Variants in SYPL2 observed in about 807,000 individuals in gnomAD.
The protein encoded by SYPL2 is synaptophysin like 2, also known as synaptophysin-like protein 2.
Under a neutral mutation model 31.3 loss-of-function variants are expected in SYPL2, and 24 were observed. The observed-to-expected ratio is 0.77, with a 90% CI of 0.56 to 1.08. The LOEUF is 1.08. Ranked by LOEUF, SYPL2 falls within the 50% of genes least tolerant of loss-of-function variation. The pLI is 0.00. For synonymous variants in SYPL2, 144 were observed against 143.1 expected (o/e 1.01, Z -0.05); for missense variants, 342 against 360.1 (o/e 0.95, Z 0.41).
intron 2 of SYPL2, among the ~76,000 whole-genome samples, chr1:109,470,776 T>G (rs1001352951): frequency 1.3e-5 from 2 of 151,902 alleles, no homozygotes; most frequent in Admixed American, 6.6e-5. Context: ...ATGGAGGGGG[T>G]TGGGAGAAAG....
At chr1:109,476,726 G>T in intron 3 of SYPL2, 50 bp from the exon 4 acceptor site, 3 of 1,581,328 alleles carry the variant, frequency 1.9e-6, no homozygotes, top group Non-Finnish European at 2.6e-6. Context: ...TCTGGGCCAG[G>T]GAGAGAGAGG....
Position 109,481,182 on chromosome 1 carries a change from C to T in SYPL2, c.*1634C>T, listed in dbSNP as rs569031891. The T allele has an allele frequency of 2.6e-5, 4 of 152,766 alleles. No individual in the cohort carries two copies. Among genetic ancestry groups the T allele is most frequent in the South Asian group, 2.1e-4 (1 of 4,826 alleles). 9.5% of individuals were successfully genotyped at this position (152,766 alleles called of 1,614,324 possible). A position where few individuals can be genotyped will look rare whatever the true frequency, so the allele number is the denominator to read the frequency against. On this transcript the variant is annotated 3_prime_UTR_variant, in exon 6 of 6. Coordinates refer to ENST00000369872, the MANE Select transcript of SYPL2 (RefSeq NM_001040709.2). ...TGACTTCAGGCCAGTCATTTCCTCC[C>T]GATGGGGAAAGGGTGAGATTTACAT...
chr1:109,469,852 A>T (rs1571058896), intron 2 of SYPL2, among the ~76,000 whole-genome samples: 2 of 144,832 alleles, frequency 1.4e-5, no homozygotes. Context: ...AAAAAAAAAA[A>T]GGAAAATAAA....
chr1:109,481,383 C>G lies in SYPL2; in HGVS notation c.*1835C>G, dbSNP rs760130292. The G allele has an allele frequency of 3.3e-5, 5 of 152,574 alleles. No individual in the cohort carries two copies. The highest frequency in any genetic ancestry group is 4.8e-5 in the African/African-American group (2 of 41,414). 9.5% of individuals were successfully genotyped at this position (152,574 alleles called of 1,614,324 possible). A position where few individuals can be genotyped will look rare whatever the true frequency, so the allele number is the denominator to read the frequency against. The stretch of plus-strand genomic sequence containing the variant: ...TCAAGGACAAGGGGGGACAGTTTTG[C>G]CTACAGCTCCAGAGACACAGAGAAC... On this transcript the variant is annotated 3_prime_UTR_variant, in exon 6 of 6. Transcript: ENST00000369872.
At position 109,478,024 on chromosome 1, in the gene SYPL2, C is replaced by T. The variant is rs760655799; in HGVS notation, c.648+15C>T. The T allele has an allele frequency of 6.8e-6, 11 of 1,613,386 alleles. No individual in the cohort carries two copies. In the Admixed American group the frequency reaches 1.7e-4, roughly 24 times the overall value. ...ACATCTCCGTGGTGAGACCTGTGGC[C>T]ACTGCAGGAAGCAGCACCAGCCCTG... On this transcript the variant is annotated intron_variant, in intron 5 of 5. Coordinates refer to ENST00000369872, the MANE Select transcript of SYPL2 (RefSeq NM_001040709.2). The surrounding 1 kb of genome is among the most constrained non-coding windows in gnomAD (Gnocchi z 4.0).
chr1:109,476,963 C>A lies in SYPL2; in HGVS notation c.442C>A (p.Arg148Ser). 1.2e-6 allele frequency: 2 copies of A among 1,614,176 alleles called. No homozygotes were observed. Among genetic ancestry groups the A allele is most frequent in the Non-Finnish European group, 8.5e-7 (1 of 1,180,034 alleles). ...RFHNLYTENK[R>S]FPLVDFCVTV... is the part of the protein sequence containing the mutation. ...CCACAACCTCTACACAGAGAACAAA[C>A]GCTTCCCGCTGGTGGTGAGTCAGCA... is the stretch of plus-strand genomic sequence containing the variant. The change falls in exon 4 of 6, where the codon CGC (arginine) becomes AGC (serine). Residue 148 changes from arginine to serine, a missense_variant. By Grantham distance (110) the Arg-to-Ser change is moderately radical. Transcript: ENST00000369872.
In SYPL2 at chr1:109,467,052, T is replaced by C. The variant is rs1389600369; in HGVS notation, c.55-7T>C. The C allele has an allele frequency of 8.4e-6, 13 of 1,544,204 alleles. No homozygotes were observed. The highest frequency in any genetic ancestry group is 1.1e-5 in the Non-Finnish European group (13 of 1,145,866). On this transcript the variant is annotated splice_polypyrimidine_tract_variant and splice_region_variant and intron_variant, in intron 1 of 5. Coordinates refer to ENST00000369872, the MANE Select transcript of SYPL2 (RefSeq NM_001040709.2). ...CCCTGACCCCCCGGCCGGCTGTGTC[T>C]CCGCAGGTGGACCGCCTACTCGTGG... is the stretch of plus-strand genomic sequence containing the variant.
rs1220323538 is a variant in SYPL2, at chr1:109,479,460, AG to A, written c.734del (p.Gly245AlafsTer70). 2 of 1,614,046 alleles carry A rather than the reference AG, an allele frequency of 1.2e-6. No homozygotes were observed. Among genetic ancestry groups the A allele is most frequent in the Admixed American group, 3.3e-5 (2 of 60,000 alleles). On this transcript the variant is annotated frameshift_variant, in exon 6 of 6. Coordinates refer to ENST00000369872, the MANE Select transcript of SYPL2 (RefSeq NM_001040709.2). LOFTEE classifies it high-confidence loss of function. ...GAGACCCCGTGGCATGGACAGGGCC[AG>A]GGCCAGGACCAGGACCAGGACCAGG... ...FKETPWHGQG[Q>X]GQDQDQDQDQ...
At chr1:109,479,047 C>T (rs1656085479) in intron 5 of SYPL2, among the ~76,000 whole-genome samples, 1 of 152,250 alleles carries the variant, frequency 6.6e-6, no homozygotes. Context: ...GGGCCTCACG[C>T]GTGCTGTGGG....
At chr1:109,477,076 AC>A in intron 4 of SYPL2, 99 bp downstream of exon 4, 2 of 1,430,870 alleles carry the variant, frequency 1.4e-6, no homozygotes, top group Non-Finnish European at 9.6e-7. Flanking sequence ...GGCGGCTTCC[AC>A]CCCCATGGTG....
intron 2 of SYPL2, among the ~76,000 whole-genome samples, chr1:109,473,542 A>G (rs1213713588): frequency 6.6e-6 from 1 of 152,148 alleles, no homozygotes; most frequent in Non-Finnish European, 1.5e-5. Flanking sequence ...TTACTCTCAG[A>G]GAGTGAGAGA....
At chr1:109,467,665 T>C (rs1329644261) in intron 2 of SYPL2, among the ~76,000 whole-genome samples, 2 of 151,934 alleles carry the variant, frequency 1.3e-5, no homozygotes, top group East Asian at 3.9e-4. Context: ...ACTGGAGTAA[T>C]CCGAGTTCCT....
chr1:109,469,004 T>C (rs1472500171), intron 2 of SYPL2, among the ~76,000 whole-genome samples: 7 of 152,218 alleles, frequency 4.6e-5, no homozygotes, highest in Non-Finnish European at 1.0e-4. Context: ...TGAATTCAGA[T>C]TTCATTCACA....
chr1:109,479,156 G>A (rs913515821), intron 5 of SYPL2, among the ~76,000 whole-genome samples: 1 of 152,234 alleles, frequency 6.6e-6, no homozygotes, highest in Non-Finnish European at 1.5e-5. Flanking sequence ...TACAGCTTGG[G>A]TGCATGGTGT....
chr1:109,479,279 C>T (rs1252445363), intron 5 of SYPL2, 99 bp from the exon 6 acceptor site: 3 of 1,373,102 alleles, frequency 2.2e-6, no homozygotes, highest in Non-Finnish European at 2.0e-6. Context: ...TGCTTCTTCC[C>T]TGCACAAGCC....
chr1:109,466,944 ATGTCG>A, intron 1 of SYPL2, 47 bp downstream of exon 1: 2 of 1,532,896 alleles, frequency 1.3e-6, no homozygotes, highest in Admixed American at 3.9e-5. Context: ...CTCCACCTAG[ATGTCG>A]GGCTGCACAC....
chr1:109,467,008 T>TTCCCAGGGTTCCCCACCGCCC (rs1348062528), intron 1 of SYPL2, 51 bp from the exon 2 acceptor site: 1 of 1,516,368 alleles, frequency 6.6e-7, no homozygotes, highest in Non-Finnish European at 8.8e-7. Context: ...GACCAGCGCC[T>TTCCCAGGGTTCCCCACCGCCC]TCCCAGGGTT....
At position 109,479,708 on chromosome 1, in the gene SYPL2, C is replaced by T. The variant is rs1656110150; in HGVS notation, c.*160C>T. 6 of 1,135,068 alleles carry T rather than the reference C, an allele frequency of 5.3e-6. No individual in the cohort carries two copies. The highest frequency in any genetic ancestry group is 4.8e-5 in the South Asian group (3 of 62,896). 70.3% of individuals were successfully genotyped at this position (1,135,068 alleles called of 1,614,324 possible). On this transcript the variant is annotated 3_prime_UTR_variant, in exon 6 of 6. Transcript: ENST00000369872. ...AGGCATCAGCTGTTGGAAACCTGGGCAGCCCTCTCAGTGGCTTCCTATCCT... is the reference window on the plus strand; with the variant it reads ...AGGCATCAGCTGTTGGAAACCTGGGTAGCCCTCTCAGTGGCTTCCTATCCT...
chr1:109,479,064 C>A (rs925903219), intron 5 of SYPL2, among the ~76,000 whole-genome samples: 5 of 152,246 alleles, frequency 3.3e-5, no homozygotes, highest in African/African-American at 1.2e-4. Context: ...TGGGAGGCGC[C>A]CCAGGGCTGA....
Sources: allele counts gnomAD v4.1 joint callset (sites outside exome capture counted in the v4.1 genomes callset), GRCh38; gene constraint gnomAD v4.1.1; non-coding constraint Gnocchi (gnomAD v3.1); transcripts MANE v1.5; gene names NCBI Gene and HGNC (gene_info 2026-07-23, HGNC 2026-07-21).